HIVEP3: variants seen among roughly 807,000 people sequenced by gnomAD.
HIVEP3 encodes the protein transcription factor HIVEP3.
A neutral mutation model predicts 152.8 loss-of-function variants in HIVEP3; 49 were observed. The observed-to-expected ratio is 0.32, with a 90% CI of 0.26 to 0.41. HIVEP3 has a LOEUF of 0.41. Ranked by LOEUF, HIVEP3 falls within the 10% of genes least tolerant of loss-of-function variation. The pLI, the probability that HIVEP3 is intolerant of heterozygous loss-of-function variation, is 1.00. For synonymous variants in HIVEP3, 1,269 were observed against 1,289.0 expected (o/e 0.98, Z 0.33); for missense variants, 2,790 against 3,103.3 (o/e 0.90, Z 2.40).
In HIVEP3 at chr1:41,873,959, A is replaced by G. The variant is rs1009152357; in HGVS notation, c.-801+44454T>C. Among the ~76,000 whole-genome samples, 1 of 152,092 alleles carries G rather than the reference A, an allele frequency of 6.6e-6. No homozygotes were observed. The highest frequency in any genetic ancestry group is 2.4e-5 in the African/African-American group (1 of 41,402). ...GAAGAAGCTGCAGGCCCTCCTTCCC[A>G]CCCTCGCTTCCCTTCTCCTCCACAC... On this transcript the variant is annotated intron_variant, in intron 1 of 8. Transcript: ENST00000372583. This position sits in a 1 kb window ranked among gnomAD's most constrained non-coding sequence, Gnocchi z 4.2.
At chr1:41,713,352 C>A (rs1418825824) in intron 1 of HIVEP3, among the ~76,000 whole-genome samples, 1 of 152,242 alleles carries the variant, frequency 6.6e-6, no homozygotes, top group Non-Finnish European at 1.5e-5. Context: ...CCTGAGCCTC[C>A]TGCCTGGGGC....
At chr1:42,026,848 C>T (rs1645585535) in intron 1 of HIVEP3, among the ~76,000 whole-genome samples, 1 of 152,210 alleles carries the variant, frequency 6.6e-6, no homozygotes, top group Non-Finnish European at 1.5e-5. Flanking sequence ...ACAGATACAG[C>T]TTTTTCATGT....
At chr1:41,627,631 C>A (rs1393655307) in intron 3 of HIVEP3, among the ~76,000 whole-genome samples, 1 of 152,140 alleles carries the variant, frequency 6.6e-6, no homozygotes, top group East Asian at 1.9e-4. Flanking sequence ...CCATCCCCTT[C>A]TCTATACAGT....
chr1:41,803,552 G>A (rs528311541), intron 1 of HIVEP3, among the ~76,000 whole-genome samples: 50 of 152,266 alleles, frequency 3.3e-4, no homozygotes, highest in African/African-American at 1.1e-3. Context: ...CCCTCACCTG[G>A]TGCCATGCCA....
intron 1 of HIVEP3, among the ~76,000 whole-genome samples, chr1:41,975,025 G>A (rs1168884423): frequency 6.6e-6 from 1 of 152,132 alleles, no homozygotes; most frequent in Non-Finnish European, 1.5e-5. Context: ...AGCTTCCCAA[G>A]GGCCACATCC....
chr1:41,530,262 G>A (rs1030422608), intron 5 of HIVEP3, among the ~76,000 whole-genome samples: 1 of 152,248 alleles, frequency 6.6e-6, no homozygotes, highest in Non-Finnish European at 1.5e-5. Context: ...CCTTGCGTCC[G>A]AGAGGACGAA....
At chr1:41,699,869 C>T in intron 2 of HIVEP3, among the ~76,000 whole-genome samples, 1 of 151,542 alleles carries the variant, frequency 6.6e-6, no homozygotes, top group African/African-American at 2.4e-5. Context: ...TGTCTCCCTT[C>T]CCTGCTTGTG....
At chr1:42,023,706 C>G (rs896645895) in intron 1 of HIVEP3, among the ~76,000 whole-genome samples, 8 of 152,178 alleles carry the variant, frequency 5.3e-5, no homozygotes, top group African/African-American at 1.9e-4. Context: ...TCCTCCTTCA[C>G]CTTCCGCCAT....
At chr1:41,822,145 C>G (rs1642624577) in intron 1 of HIVEP3, among the ~76,000 whole-genome samples, 2 of 152,156 alleles carry the variant, frequency 1.3e-5, no homozygotes, top group Non-Finnish European at 2.9e-5. Context: ...CAGCGGGGCA[C>G]TGAGGCTGTT....
chr1:41,831,751 C>A (rs1642971429), intron 1 of HIVEP3, among the ~76,000 whole-genome samples: 1 of 152,190 alleles, frequency 6.6e-6, no homozygotes, highest in Non-Finnish European at 1.5e-5. Context: ...GTGCACCAGG[C>A]ATGAGTCTGT....
chr1:41,752,394 C>T (rs1647181114), intron 1 of HIVEP3, among the ~76,000 whole-genome samples: 1 of 152,204 alleles, frequency 6.6e-6, no homozygotes, highest in South Asian at 2.1e-4. Flanking sequence ...GGGCCTAGAC[C>T]AGGGTCCACC....
At chr1:42,030,707 C>T (rs1645608169) in intron 1 of HIVEP3, among the ~76,000 whole-genome samples, 1 of 152,226 alleles carries the variant, frequency 6.6e-6, no homozygotes. Flanking sequence ...TTACATCCTT[C>T]ACTGCCAAGC....
intron 1 of HIVEP3, among the ~76,000 whole-genome samples, chr1:41,978,050 T>C (rs976518820): frequency 6.6e-6 from 1 of 152,238 alleles, no homozygotes; most frequent in Admixed American, 6.5e-5. Flanking sequence ...GCCAATACTT[T>C]TTATTCCTAC....
chr1:41,671,832 G>C (rs924144409), intron 2 of HIVEP3, among the ~76,000 whole-genome samples: 2 of 152,208 alleles, frequency 1.3e-5, no homozygotes, highest in East Asian at 3.9e-4. Context: ...GATGAGTTTT[G>C]AGTTGGATTT....
chr1:41,801,865 G>A (rs1457609728), intron 1 of HIVEP3, among the ~76,000 whole-genome samples: 1 of 152,192 alleles, frequency 6.6e-6, no homozygotes, highest in Non-Finnish European at 1.5e-5. Context: ...CTTTTAGAAG[G>A]GCCTTCGTTG....
chr1:41,579,304 A>G (rs1448372917), intron 4 of HIVEP3, among the ~76,000 whole-genome samples: 1 of 152,254 alleles, frequency 6.6e-6, no homozygotes, highest in Non-Finnish European at 1.5e-5. Flanking sequence ...AGCAGATGTA[A>G]GAATTAAGAA....
At chr1:41,906,997 T>C (rs1455282833) in intron 1 of HIVEP3, among the ~76,000 whole-genome samples, 1 of 152,114 alleles carries the variant, frequency 6.6e-6, no homozygotes, top group Non-Finnish European at 1.5e-5. Flanking sequence ...CCAGGCAGAC[T>C]GGTTCTCAGC....
intron 1 of HIVEP3, among the ~76,000 whole-genome samples, chr1:41,804,217 TG>T (rs1187610411): frequency 6.6e-6 from 1 of 152,164 alleles, no homozygotes; most frequent in Non-Finnish European, 1.5e-5. Context: ...TCCACAAAGG[TG>T]GGCTTCCCTC....
chr1:41,961,509 C>G (rs902621088), intron 1 of HIVEP3, among the ~76,000 whole-genome samples: 4 of 152,254 alleles, frequency 2.6e-5, no homozygotes, highest in African/African-American at 9.6e-5. Flanking sequence ...TTGGCACAAG[C>G]ATGACACTGG....
Sources: allele counts gnomAD v4.1 joint callset (sites outside exome capture counted in the v4.1 genomes callset), GRCh38; gene constraint gnomAD v4.1.1; non-coding constraint Gnocchi (gnomAD v3.1); transcripts MANE v1.5; gene names NCBI Gene and HGNC (gene_info 2026-07-23, HGNC 2026-07-21).